Variants in BAZ2B observed in about 807,000 individuals in gnomAD.
BAZ2B encodes bromodomain adjacent to zinc finger domain protein 2B.
In BAZ2B, 91 loss-of-function variants were observed where a neutral mutation model predicts 246.0. The observed-to-expected ratio is 0.37, with a 90% confidence interval of 0.31 to 0.44. The LOEUF is 0.44. BAZ2B is among the 20% of genes least tolerant of loss of function. BAZ2B has a pLI of 1.00. For synonymous variants in BAZ2B, 855 were observed against 860.0 expected, an observed-to-expected ratio of 0.99 and a Z score of 0.10; for missense variants, 2,332 against 2,533.7, an observed-to-expected ratio of 0.92 and a Z score of 1.71.
At chr2:159,677,355 T>A in the BAZ2B span, among the ~76,000 whole-genome samples, 1 of 152,126 alleles carries the variant, frequency 6.6e-6, no homozygotes, top group Non-Finnish European at 1.5e-5. Context: ...AAACCTTTGT[T>A]TTAAAGAAAT....
At chr2:159,565,999 A>T (rs1682468854) in intron 1 of BAZ2B, among the ~76,000 whole-genome samples, 1 of 152,088 alleles carries the variant, frequency 6.6e-6, no homozygotes, top group Non-Finnish European at 1.5e-5. Flanking sequence ...TAAAAATATT[A>T]CATAAAGCAA....
At chr2:159,682,900 T>C in the BAZ2B span, among the ~76,000 whole-genome samples, 1 of 102,970 alleles carries the variant, frequency 9.7e-6, no homozygotes, top group East Asian at 3.8e-4. Context: ...AGAGATAAAC[T>C]GCCACCCCTC....
In BAZ2B at chr2:159,502,141, T is replaced by C. The variant is rs1028707935; in HGVS notation, c.-2-23420A>G. Among the ~76,000 whole-genome samples, 3 of 152,050 alleles carry C rather than the reference T, an allele frequency of 2.0e-5. No individual in the cohort carries two copies. The East Asian group carries it at 5.8e-4, about 29-fold the overall frequency. On this transcript the variant is annotated intron_variant, in intron 2 of 36. Coordinates refer to ENST00000392783, the MANE Select transcript of BAZ2B (RefSeq NM_013450.4). ...GGATACTCTGTAGAGACAGAAAATATAGAACTATGGGTAGGTTGGGGGAAA... is the reference window on the plus strand; with the variant it reads ...GGATACTCTGTAGAGACAGAAAATACAGAACTATGGGTAGGTTGGGGGAAA...
At position 159,488,320 on chromosome 2, in the gene BAZ2B, G is replaced by A. The variant is rs544848074; in HGVS notation, c.-2-9599C>T. ...ACTCCTGACCTTAAGTGATCCACCC[G>A]CCTCGGCCTCCCAAAGTGCTGGGAT... On this transcript the variant is annotated intron_variant, in intron 2 of 36. Coordinates refer to ENST00000392783, the MANE Select transcript of BAZ2B (RefSeq NM_013450.4). Among the ~76,000 whole-genome samples the A allele has an allele frequency of 4.6e-5, 7 of 152,108 alleles. No homozygotes were observed. In the South Asian group the frequency reaches 1.5e-3, roughly 32 times the overall value.
intron 1 of BAZ2B, among the ~76,000 whole-genome samples, chr2:159,601,209 A>G (rs1040806815): frequency 2.6e-5 from 4 of 152,188 alleles, no homozygotes; most frequent in African/African-American, 9.6e-5. Flanking sequence ...CTATACCTGT[A>G]GCACAAATCA....
Position 159,512,778 on chromosome 2 carries a change from T to C in BAZ2B, c.-2-34057A>G, listed in dbSNP as rs570797995. Among the ~76,000 whole-genome samples the C allele has an allele frequency of 2.0e-5, 3 of 152,250 alleles. No individual in the cohort carries two copies. The South Asian group carries it at 6.2e-4, about 32-fold the overall frequency. On this transcript the variant is annotated intron_variant, in intron 2 of 36. Coordinates refer to ENST00000392783, the MANE Select transcript of BAZ2B (RefSeq NM_013450.4). Reference sequence around the variant, plus strand: ...CCAGGAGTAGAGGGAGTGTCTCTAATAGGTAACTATACTGAAAGCTCTGTA... The same window carrying C: ...CCAGGAGTAGAGGGAGTGTCTCTAACAGGTAACTATACTGAAAGCTCTGTA...
At chr2:159,329,358 T>C (rs1362838759) in intron 34 of BAZ2B, among the ~76,000 whole-genome samples, 1 of 152,104 alleles carries the variant, frequency 6.6e-6, no homozygotes, top group Non-Finnish European at 1.5e-5. Context: ...TAATATTCCA[T>C]TTTATATAAG....
chr2:159,351,952 A>G (rs1186459841), intron 27 of BAZ2B, among the ~76,000 whole-genome samples: 1 of 152,178 alleles, frequency 6.6e-6, no homozygotes, highest in African/African-American at 2.4e-5. Flanking sequence ...TTACATCAAT[A>G]CACCTTCCCA....
At chr2:159,368,557 T>C (rs1432910733) in intron 27 of BAZ2B, among the ~76,000 whole-genome samples, 1 of 152,210 alleles carries the variant, frequency 6.6e-6, no homozygotes, top group Non-Finnish European at 1.5e-5. Context: ...TCTATTAATA[T>C]GTCTATTAAT....
chr2:159,457,162 T>A (rs2075877174), intron 3 of BAZ2B, among the ~76,000 whole-genome samples: 1 of 152,198 alleles, frequency 6.6e-6, no homozygotes, highest in South Asian at 2.1e-4. Context: ...ACATACCTAT[T>A]AAACATCAGG....
intron 1 of BAZ2B, among the ~76,000 whole-genome samples, chr2:159,602,773 A>G (rs1692463866): frequency 6.6e-6 from 1 of 152,226 alleles, no homozygotes; most frequent in African/African-American, 2.4e-5. Flanking sequence ...CTAAAAATGA[A>G]TCCTACAGAA....
Position 159,448,396 on chromosome 2 carries a change from C to T in BAZ2B, c.348G>A (p.Trp116Ter). ...TACGAGTATGAGCATCAGTTGTTCGCCACCATTCTGCACCTCAAAACCAAA... is the reference window on the plus strand; with the variant it reads ...TACGAGTATGAGCATCAGTTGTTCGTCACCATTCTGCACCTCAAAACCAAA... ...QLASFPGAEW[W>*]RTTDAHTRTG... Residue 116 changes from tryptophan to a stop codon, truncating the protein, a stop_gained, in exon 5 of 37, where the codon TGG becomes TGA. Transcript: ENST00000392783. LOFTEE classifies it high-confidence loss of function. 1 of 1,586,292 alleles carries T rather than the reference C, an allele frequency of 6.3e-7. No homozygotes were observed. The highest frequency in any genetic ancestry group is 8.5e-7 in the Non-Finnish European group (1 of 1,171,640).
At chr2:159,402,404 C>T (rs1229338800) in intron 16 of BAZ2B, among the ~76,000 whole-genome samples, 6 of 152,148 alleles carry the variant, frequency 3.9e-5, no homozygotes, top group East Asian at 3.9e-4. Flanking sequence ...GAGCAGAGAT[C>T]GTGCCACTGA....
At chr2:159,659,096 C>T in the BAZ2B span, among the ~76,000 whole-genome samples, 1 of 152,154 alleles carries the variant, frequency 6.6e-6, no homozygotes, top group African/African-American at 2.4e-5. Context: ...CCCTTTGTTT[C>T]TATTTTCTGG....
intron 2 of BAZ2B, among the ~76,000 whole-genome samples, chr2:159,508,019 C>T (rs747736729): frequency 5.3e-5 from 8 of 152,054 alleles, no homozygotes; most frequent in Non-Finnish European, 5.9e-5. Context: ...TACAGTCATG[C>T]GCCACCATGC....
intron 2 of BAZ2B, among the ~76,000 whole-genome samples, chr2:159,521,894 A>G (rs1010017903): frequency 1.3e-5 from 2 of 152,056 alleles, no homozygotes; most frequent in Non-Finnish European, 2.9e-5. Flanking sequence ...TTTAATTGCA[A>G]GGCGAGTGCT....
the BAZ2B span, among the ~76,000 whole-genome samples, chr2:159,676,056 C>T: frequency 1.1e-3 from 173 of 152,244 alleles, 1 homozygote; most frequent in South Asian, 4.8e-3. Flanking sequence ...CCACCGCACC[C>T]GGCTAATATT....
chr2:159,624,787 A>G, the BAZ2B span, among the ~76,000 whole-genome samples: 1 of 152,176 alleles, frequency 6.6e-6, no homozygotes, highest in Non-Finnish European at 1.5e-5. Context: ...CCAAAGGATC[A>G]TAACTCCTCA....
In BAZ2B at chr2:159,577,778, A is replaced by ATTCT. The variant is rs749870132; in HGVS notation, c.-45-21914_-45-21913insAGAA. 1.7e-3 allele frequency among the ~76,000 whole-genome samples: 266 copies of ATTCT among 152,302 alleles called. 1 individual carries two copies. The highest frequency in any genetic ancestry group is 3.0e-3 in the Non-Finnish European group (203 of 68,014). On this transcript the variant is annotated intron_variant, in intron 1 of 36. Coordinates refer to ENST00000392783, the MANE Select transcript of BAZ2B (RefSeq NM_013450.4). ...TACACCACAAGAAATAAAAGTAGGT[A>ATTCT]CCTTAATGGGAAGGAGAAAGGCTAA...
Sources: allele counts gnomAD v4.1 joint callset (sites outside exome capture counted in the v4.1 genomes callset), GRCh38; gene constraint gnomAD v4.1.1; transcripts MANE v1.5; gene names NCBI Gene and HGNC (gene_info 2026-07-23, HGNC 2026-07-21).